The following REV1 variants were observed in gnomAD, a reference collection of about 807,000 sequenced individuals.
REV1 encodes REV1 DNA directed polymerase.
Under a neutral mutation model 137.4 loss-of-function variants are expected in REV1, and 42 were observed. The observed-to-expected ratio is 0.31, with a 90% CI of 0.24 to 0.40. The LOEUF (loss-of-function observed/expected upper bound fraction) is 0.40, where lower values mean the gene tolerates loss of function less well. Ranked by LOEUF, REV1 falls within the 10% of genes least tolerant of loss-of-function variation. The pLI is 1.00. For synonymous variants in REV1, 524 were observed against 519.2 expected (o/e 1.01, Z -0.12); for missense variants, 1,282 against 1,490.1 (o/e 0.86, Z 2.30).
chr2:99,411,580 T>C (rs565625667), intron 13 of REV1, among the ~76,000 whole-genome samples: 1 of 151,806 alleles, frequency 6.6e-6, no homozygotes, highest in East Asian at 2.0e-4. Flanking sequence ...CTAATTTTTT[T>C]GTATTTTTAG....
rs776413764 is a variant in REV1 at position 99,438,829 on chromosome 2, C to G, written c.985G>C (p.Val329Leu). Residue 329 changes from valine (V) to leucine (L), a missense_variant, in exon 6 of 23, where the codon GTA becomes CTA. Coordinates refer to ENST00000258428, the MANE Select transcript of REV1 (RefSeq NM_016316.4). The part of the protein sequence containing the change: ...GPSSTKSTSS[V>L]STFSKAAPSV... Reference sequence around the variant, plus strand: ...GGTGCTGCCTTGCTAAACGTAGATACTGAAGAAGTGCTTTTTGTGCTTGAA... The same window carrying G: ...GGTGCTGCCTTGCTAAACGTAGATAGTGAAGAAGTGCTTTTTGTGCTTGAA... 2 of 1,614,212 alleles carry G rather than the reference C, an allele frequency of 1.2e-6. No homozygotes were observed. The highest frequency in any genetic ancestry group is 2.2e-5 in the South Asian group (2 of 91,088).
intron 21 of REV1, 27 bp from the exon 22 acceptor site, chr2:99,402,373 AG>A: frequency 8.9e-7 from 1 of 1,126,966 alleles, no homozygotes; most frequent in South Asian, 1.4e-5. Context: ...ACTTCAAATG[AG>A]GACCAGTCTT....
chr2:99,474,901 CAAAAAAGAAAAAA>C (rs1178527091), intron 1 of REV1, among the ~76,000 whole-genome samples: 1 of 141,176 alleles, frequency 7.1e-6, no homozygotes, highest in African/African-American at 2.6e-5. Flanking sequence ...GACTCCGTTT[CAAAAAAGAAAAAA>C]AAAAAAGAAG....
chr2:99,424,058 G>C (rs1679024313), intron 10 of REV1, 94 bp downstream of exon 10: 4 of 1,313,170 alleles, frequency 3.0e-6, no homozygotes, highest in Admixed American at 2.3e-5. Flanking sequence ...TAACAAAAGT[G>C]ATCCTGACAA....
At chr2:99,402,222 G>A in intron 22 of REV1, 22 bp downstream of exon 22, 1 of 1,028,388 alleles carries the variant, frequency 9.7e-7, no homozygotes, top group South Asian at 1.5e-5. Context: ...TTTCCCATTT[G>A]ATAAAAGTGA....
In REV1 at chr2:99,451,773, GA is replaced by G. The variant is rs147236551; in HGVS notation, c.182-2270del. Among the ~76,000 whole-genome samples, 23 of 148,656 alleles carry G rather than the reference GA, an allele frequency of 1.5e-4. 2 individuals carry two copies. In the East Asian group the frequency reaches 4.3e-3, roughly 28 times the overall value. ...CTCAGGATCCTGCCCTAGACTCTAC[GA>G]AAAAAAAAATGACAGAAGACAATAT... On this transcript the variant is annotated intron_variant, in intron 3 of 22. Transcript: ENST00000258428.
chr2:99,463,482 T>G (rs1391676563), intron 2 of REV1, among the ~76,000 whole-genome samples: 1 of 152,136 alleles, frequency 6.6e-6, no homozygotes, highest in Non-Finnish European at 1.5e-5. Flanking sequence ...ATCGTGCTAT[T>G]GCACCCCAGC....
chr2:99,485,616 G>C (rs1294036492), intron 1 of REV1, among the ~76,000 whole-genome samples: 1 of 152,224 alleles, frequency 6.6e-6, no homozygotes, highest in Non-Finnish European at 1.5e-5. Flanking sequence ...AGCCACTCTG[G>C]TGGGCGGTTG....
chr2:99,444,924 A>T lies in REV1; in HGVS notation c.351-2455T>A, dbSNP rs76013496. ...CAAAACCAAAAGGAGAGGATAATAA[A>T]AAAATCCATCTTTATCCAAAAGATA... On this transcript the variant is annotated intron_variant, in intron 4 of 22. Transcript: ENST00000258428. 9.8e-3 allele frequency among the ~76,000 whole-genome samples: 1,493 copies of T among 152,358 alleles called. 23 individuals carry two copies. The highest frequency in any genetic ancestry group is 0.034 in the African/African-American group (1,407 of 41,578).
chr2:99,407,711 A>C (rs1676537257), intron 15 of REV1, among the ~76,000 whole-genome samples: 1 of 152,182 alleles, frequency 6.6e-6, no homozygotes, highest in Non-Finnish European at 1.5e-5. Flanking sequence ...TAAAGGTACA[A>C]AATTTATGTA....
chr2:99,437,537 A>G (rs1680917031), intron 6 of REV1, among the ~76,000 whole-genome samples: 1 of 152,202 alleles, frequency 6.6e-6, no homozygotes, highest in Admixed American at 6.5e-5. Flanking sequence ...CTGCTGTATA[A>G]AAGTATTTTT....
At chr2:99,446,324 A>C (rs1682200628) in intron 4 of REV1, among the ~76,000 whole-genome samples, 1 of 152,082 alleles carries the variant, frequency 6.6e-6, no homozygotes, top group Admixed American at 6.6e-5. Flanking sequence ...GTCCAAAATC[A>C]CTCTTAATTA....
chr2:99,465,857 AT>A (rs1684736488), intron 1 of REV1, among the ~76,000 whole-genome samples: 1 of 152,220 alleles, frequency 6.6e-6, no homozygotes, highest in South Asian at 2.1e-4. Context: ...GATATGATCT[AT>A]GAGAATTTTT....
At chr2:99,478,670 T>C (rs967736094) in intron 1 of REV1, among the ~76,000 whole-genome samples, 4 of 152,140 alleles carry the variant, frequency 2.6e-5, no homozygotes, top group Admixed American at 6.6e-5. Flanking sequence ...AAGGAAATAA[T>C]ATCAAAGAAG....
Position 99,406,373 on chromosome 2 carries a change from A to C in REV1, c.2566T>G (p.Phe856Val). The change falls in exon 16 of 23, where the codon TTC (phenylalanine) becomes GTC (valine). Residue 856 changes from phenylalanine to valine, a missense_variant. By Grantham distance (50) the Phe-to-Val change is conservative. Around this residue, in one of 7 missense-constraint regions of REV1, gnomAD observed 372 missense variants for 482.3 expected, o/e 0.77. Transcript: ENST00000258428. Reference sequence around the variant, plus strand: ...GATTTCTTAGCTTTCTGAACTTGGAAGACATCACGGACAGAGTATGACCCA... The same window carrying C: ...GATTTCTTAGCTTTCTGAACTTGGACGACATCACGGACAGAGTATGACCCA... The part of the protein sequence containing the change: ...PSGSYSVRDV[F>V]QVQKAKKSTE... 1 of 1,613,494 alleles carries C rather than the reference A, an allele frequency of 6.2e-7. No individual in the cohort carries two copies. The highest frequency in any genetic ancestry group is 1.1e-5 in the South Asian group (1 of 90,936).
At chr2:99,481,692 T>TAC (rs112823394) in intron 1 of REV1, among the ~76,000 whole-genome samples, 63,591 of 148,604 alleles carry the variant, frequency 0.43, 13,598 homozygotes, top group Admixed American at 0.57. Flanking sequence ...GGGAGATCCC[T>TAC]ACACACACAC....
At chr2:99,415,573 A>G (rs900984448) in intron 12 of REV1, among the ~76,000 whole-genome samples, 1 of 152,252 alleles carries the variant, frequency 6.6e-6, no homozygotes, top group Non-Finnish European at 1.5e-5. Context: ...TATCCAATAC[A>G]GGAGAACCTT....
At chr2:99,453,546 A>G (rs1428254967) in intron 3 of REV1, among the ~76,000 whole-genome samples, 1 of 152,124 alleles carries the variant, frequency 6.6e-6, no homozygotes, top group Non-Finnish European at 1.5e-5. Context: ...ACCCTTCAGT[A>G]TATACTCCTT....
intron 1 of REV1, among the ~76,000 whole-genome samples, chr2:99,479,107 A>AT (rs1219531122): frequency 6.6e-6 from 1 of 152,002 alleles, no homozygotes; most frequent in Non-Finnish European, 1.5e-5. Context: ...AGGTGGGCGG[A>AT]TCACGAGGTC....
Sources: allele counts gnomAD v4.1 joint callset (sites outside exome capture counted in the v4.1 genomes callset), GRCh38; gene constraint gnomAD v4.1.1; regional missense constraint gnomAD v4.1.1; transcripts MANE v1.5; gene names NCBI Gene and HGNC (gene_info 2026-07-23, HGNC 2026-07-21).